The following HEYL variants were observed in gnomAD, a reference collection of about 807,000 sequenced individuals.
HEYL encodes hairy/enhancer-of-split related with YRPW motif-like protein.
In HEYL, 12 loss-of-function variants were observed where a neutral mutation model predicts 18.6. That is an observed-to-expected ratio of 0.65 (90% CI 0.41 to 1.05). The LOEUF is 1.05. Ranked by LOEUF, HEYL falls within the 50% of genes least tolerant of loss-of-function variation. The pLI, the probability that HEYL is intolerant of heterozygous loss-of-function variation, is 0.00. For synonymous variants in HEYL, 159 were observed against 179.6 expected, an observed-to-expected ratio of 0.89 and a Z score of 0.91; for missense variants, 420 against 444.7, an observed-to-expected ratio of 0.94 and a Z score of 0.50.
chr1:39,634,629 G>C (rs889051947), intron 1 of HEYL, among the ~76,000 whole-genome samples: 4 of 152,150 alleles, frequency 2.6e-5, no homozygotes, highest in Non-Finnish European at 5.9e-5. Context: ...TCTCAACTCA[G>C]ATGGCACCTC....
Position 39,627,273 on chromosome 1 carries a change from A to G in HEYL, c.314-93T>C, listed in dbSNP as rs553242951. The G allele has an allele frequency of 4.3e-5, 50 of 1,161,218 alleles. 2 individuals are homozygous for G. In the South Asian group the frequency reaches 7.1e-4, roughly 17 times the overall value. 71.9% of individuals were successfully genotyped at this position (1,161,218 alleles called of 1,614,324 possible). On this transcript the variant is annotated intron_variant, in intron 4 of 4. Coordinates refer to ENST00000372852, the MANE Select transcript of HEYL (RefSeq NM_014571.4). ...TCTGAGTTCTGGACCTGCCTCCTCCACTCACTCCCTGGGCAGCCGTGGCCA... is the reference window on the plus strand; with the variant it reads ...TCTGAGTTCTGGACCTGCCTCCTCCGCTCACTCCCTGGGCAGCCGTGGCCA...
Position 39,632,799 on chromosome 1 carries a change from C to T in HEYL, c.81-84G>A, listed in dbSNP as rs1646341628. The T allele has an allele frequency of 2.5e-6, 4 of 1,581,580 alleles. No homozygotes were observed. The South Asian group carries it at 4.7e-5, about 18-fold the overall frequency. On this transcript the variant is annotated intron_variant, in intron 1 of 4. Transcript: ENST00000372852. The stretch of plus-strand genomic sequence containing the variant: ...GCCGACCTCGGGCCAGGAGGAGCCA[C>T]AGGCTGGGCCTAGAAGGAGCAGCTT...
rs76823371 is a variant in HEYL, at chr1:39,632,580, G to A, written c.147+69C>T. 1.2e-4 allele frequency: 160 copies of A among 1,389,072 alleles called. No homozygotes were observed. In the Middle Eastern group the frequency reaches 2.6e-3, roughly 22 times the overall value. 86.0% of individuals were successfully genotyped at this position (1,389,072 alleles called of 1,614,324 possible). ...GAAATTTCTGCCTAGGGTTCTCCCC[G>A]CCGCCAGACTGCAGGGGATTCATGG... is the stretch of plus-strand genomic sequence containing the variant. On this transcript the variant is annotated intron_variant, in intron 2 of 4. Coordinates refer to ENST00000372852, the MANE Select transcript of HEYL (RefSeq NM_014571.4).
intron 4 of HEYL, among the ~76,000 whole-genome samples, chr1:39,629,605 T>G (rs1646321005): frequency 6.6e-6 from 1 of 152,236 alleles, no homozygotes; most frequent in Admixed American, 6.5e-5. Flanking sequence ...TGTGGAGCTT[T>G]CAAGGTTTCC....
intron 1 of HEYL, among the ~76,000 whole-genome samples, chr1:39,637,348 G>T (rs544345955): frequency 2.3e-4 from 35 of 152,362 alleles, no homozygotes; most frequent in African/African-American, 8.2e-4. Context: ...TGAGTGTGGG[G>T]GTTTTGCGCC....
chr1:39,627,663 G>A lies in HEYL; in HGVS notation c.314-483C>T, dbSNP rs567846220. ...TGTAGCAGTGAAGTGTGAGGTCGTC[G>A]GAAGCCAGGAGAGCTGGGTTCAAAT... On this transcript the variant is annotated intron_variant, in intron 4 of 4. Transcript: ENST00000372852. 3.3e-5 allele frequency among the ~76,000 whole-genome samples: 5 copies of A among 152,274 alleles called. No homozygotes were observed. The South Asian group carries it at 1.0e-3, about 32-fold the overall frequency.
In HEYL at chr1:39,624,087, T is replaced by C. The variant is rs1646282185; in HGVS notation, c.*2420A>G. On this transcript the variant is annotated 3_prime_UTR_variant, in exon 5 of 5. Transcript: ENST00000372852. ...GGGAGGTGATGTGGCCTGGCCAGGATGGCTGTGGGTGCAGACAGAAGTGGA... is the reference window on the plus strand; with the variant it reads ...GGGAGGTGATGTGGCCTGGCCAGGACGGCTGTGGGTGCAGACAGAAGTGGA... 2 of 152,336 alleles carry C rather than the reference T, an allele frequency of 1.3e-5. No individual in the cohort carries two copies. Among genetic ancestry groups the C allele is most frequent in the South Asian group, 2.1e-4 (1 of 4,822 alleles). 9.4% of individuals were successfully genotyped at this position (152,336 alleles called of 1,614,324 possible).
rs917434925 is a variant in HEYL at position 39,639,470 on chromosome 1, T to C, written c.80+76A>G. The stretch of plus-strand genomic sequence containing the variant: ...GGCGGTGCTGGAGGGCTGGCCCGCC[T>C]GCTCGGCGAGCCCGTCGGGCCGACC... On this transcript the variant is annotated intron_variant, in intron 1 of 4. Coordinates refer to ENST00000372852, the MANE Select transcript of HEYL (RefSeq NM_014571.4). 6.2e-6 allele frequency: 8 copies of C among 1,295,030 alleles called. No individual in the cohort carries two copies. The African/African-American group carries it at 1.1e-4, about 18-fold the overall frequency. The allele number at this position is 1,295,030 out of a possible 1,614,324, so 80.2% of individuals were successfully genotyped here. A position where few individuals can be genotyped will look rare whatever the true frequency, so the allele number is the denominator to read the frequency against.
chr1:39,628,085 C>G (rs1646310736), intron 4 of HEYL, among the ~76,000 whole-genome samples: 1 of 152,166 alleles, frequency 6.6e-6, no homozygotes. Flanking sequence ...ACACAACAAC[C>G]CCAGCCAGCA....
At chr1:39,633,167 C>T in intron 1 of HEYL, 1 of 970,392 alleles carries the variant, frequency 1.0e-6, no homozygotes, top group Non-Finnish European at 1.2e-6. Context: ...CGCCCGCCCT[C>T]CGCCCCGCCT....
At position 39,626,432 on chromosome 1, in the gene HEYL, A is replaced by C; in HGVS notation, c.*75T>G. 7.5e-7 allele frequency: 1 copy of C among 1,339,870 alleles called. No individual in the cohort carries two copies. Among genetic ancestry groups the C allele is most frequent in the Non-Finnish European group, 1.0e-6 (1 of 1,002,930 alleles). 83.0% of individuals were successfully genotyped at this position (1,339,870 alleles called of 1,614,324 possible). ...AGCCAGTCCATGAAGCAAAGCAGAA[A>C]AGGCAGTGCCCTTTTTTGGGCTCCT... On this transcript the variant is annotated 3_prime_UTR_variant, in exon 5 of 5. Transcript: ENST00000372852.
intron 4 of HEYL, among the ~76,000 whole-genome samples, chr1:39,628,494 G>C (rs1646313804): frequency 6.6e-6 from 1 of 152,210 alleles, no homozygotes; most frequent in Non-Finnish European, 1.5e-5. Context: ...GGCCAGGTTG[G>C]TCTCGAACTC....
rs1286826663 is a variant in HEYL, at chr1:39,626,558, G to A, written c.936C>T (p.Ala312=). 6 of 1,549,558 alleles carry A rather than the reference G, an allele frequency of 3.9e-6. No homozygotes were observed. The highest frequency in any genetic ancestry group is 4.4e-6 in the Non-Finnish European group (5 of 1,146,704). The part of the protein sequence containing the change: ...SPGPAGRPAG[A]MLYHSWVSEI... Reference sequence around the variant, plus strand: ...CAGAGACCCAGGAGTGGTAGAGCATGGCTCCCGCTGGCCTCCCAGCTGGCC... The same window carrying A: ...CAGAGACCCAGGAGTGGTAGAGCATAGCTCCCGCTGGCCTCCCAGCTGGCC... The change falls in exon 5 of 5, where the codon GCC becomes GCT. Residue 312 remains alanine (A), a synonymous_variant. Transcript: ENST00000372852.
intron 4 of HEYL, among the ~76,000 whole-genome samples, 166 bp from the exon 5 acceptor site, chr1:39,627,346 C>CA (rs1646306658): frequency 6.6e-6 from 1 of 152,154 alleles, no homozygotes; most frequent in South Asian, 2.1e-4. Context: ...AAAGTGAGAA[C>CA]AAAAATCCCT....
In HEYL at chr1:39,624,527, A is replaced by T. The variant is rs927423697; in HGVS notation, c.*1980T>A. 6 of 153,274 alleles carry T rather than the reference A, an allele frequency of 3.9e-5. No homozygotes were observed. Among genetic ancestry groups the T allele is most frequent in the Non-Finnish European group, 7.3e-5 (5 of 68,600 alleles). The allele number at this position is 153,274 out of a possible 1,614,324, so 9.5% of individuals were successfully genotyped here. A position where few individuals can be genotyped will look rare whatever the true frequency, so the allele number is the denominator to read the frequency against. Reference sequence around the variant, plus strand: ...CCAGGAGCAGCAGGAGAGGAGGAGGAGGAGGAGGAGTTGTCCTTGTTCCTG... The same window carrying T: ...CCAGGAGCAGCAGGAGAGGAGGAGGTGGAGGAGGAGTTGTCCTTGTTCCTG... On this transcript the variant is annotated 3_prime_UTR_variant, in exon 5 of 5. Coordinates refer to ENST00000372852, the MANE Select transcript of HEYL (RefSeq NM_014571.4).
intron 4 of HEYL, 64 bp from the exon 5 acceptor site, chr1:39,627,244 ACTGT>A (rs1270494874): frequency 1.2e-5 from 17 of 1,462,126 alleles, no homozygotes; most frequent in African/African-American, 1.4e-5. Flanking sequence ...CCTGGGTCTG[ACTGT>A]CTGAGTTCTG....
At chr1:39,637,607 T>C (rs1646367704) in intron 1 of HEYL, among the ~76,000 whole-genome samples, 1 of 152,180 alleles carries the variant, frequency 6.6e-6, no homozygotes, top group Non-Finnish European at 1.5e-5. Flanking sequence ...CAAAGGGGCA[T>C]CTATAAGTCA....
Position 39,631,546 on chromosome 1 carries a change from T to C in HEYL, c.181A>G (p.Ser61Gly). Residue 61 changes from serine to glycine, a missense_variant, in exon 3 of 5, where the codon AGT becomes GGT. Ser to Gly is a moderately conservative substitution (Grantham distance 56). Transcript: ENST00000372852. ...IEKRRRDRIN[S>G]SLSELRRLVP... ...AAGCGTCGCAATTCAGAAAGGCTAC[T>C]GTTGATGCGGTCTCGACGCCGTTTC... is the stretch of plus-strand genomic sequence containing the variant. 6.2e-7 allele frequency: 1 copy of C among 1,614,262 alleles called. No homozygotes were observed. Among genetic ancestry groups the C allele is most frequent in the Non-Finnish European group, 8.5e-7 (1 of 1,180,028 alleles).
chr1:39,623,762 T>C lies in HEYL; in HGVS notation c.*2745A>G, dbSNP rs989223898. Among the ~76,000 whole-genome samples, 1 of 152,096 alleles carries C rather than the reference T, an allele frequency of 6.6e-6. No individual in the cohort carries two copies. Among genetic ancestry groups the C allele is most frequent in the East Asian group, 1.9e-4 (1 of 5,190 alleles). ...GCACAGGGTAGGGGAAGAGCATTCTTGGCAAAGGGAACAGCATATGCAAAG... is the reference window on the plus strand; with the variant it reads ...GCACAGGGTAGGGGAAGAGCATTCTCGGCAAAGGGAACAGCATATGCAAAG... On this transcript the variant is annotated 3_prime_UTR_variant, in exon 5 of 5. Coordinates refer to ENST00000372852, the MANE Select transcript of HEYL (RefSeq NM_014571.4).
Sources: gnomAD v4.1 joint callset for allele counts (sites outside exome capture counted in the v4.1 genomes callset) on GRCh38, gnomAD v4.1.1 for gene constraint, MANE v1.5 for transcripts, NCBI Gene and HGNC (gene_info 2026-07-23, HGNC 2026-07-21) for gene names.